The following CNTN4 variants were observed in gnomAD, a reference collection of about 807,000 sequenced individuals.
CNTN4 encodes contactin 4, also known as contactin-4.
Under a neutral mutation model 122.5 loss-of-function variants are expected in CNTN4, and 77 were observed. That is an observed-to-expected ratio of 0.63 (90% CI 0.52 to 0.76). The LOEUF is 0.76. Among genes scored for constraint, CNTN4 ranks in the 30% least tolerant of loss-of-function variants. The pLI, the probability that CNTN4 is intolerant of heterozygous loss-of-function variation, is 0.00. For synonymous variants in CNTN4, 512 were observed against 447.0 expected (o/e 1.15, Z -1.83); for missense variants, 1,256 against 1,259.1 (o/e 1.00, Z 0.04).
intron 4 of CNTN4, among the ~76,000 whole-genome samples, chr3:2,603,363 A>G (rs1030352534): frequency 2.0e-4 from 31 of 152,208 alleles, no homozygotes; most frequent in Non-Finnish European, 4.4e-5. Flanking sequence ...GAAAATCATT[A>G]GAAATTGTCA....
chr3:2,282,690 T>C (rs1248089132), intron 2 of CNTN4, among the ~76,000 whole-genome samples: 1 of 152,138 alleles, frequency 6.6e-6, no homozygotes, highest in Non-Finnish European at 1.5e-5. Context: ...CACAAAATCA[T>C]GTACACAAGT....
intron 3 of CNTN4, among the ~76,000 whole-genome samples, chr3:2,343,754 A>G (rs775048915): frequency 1.2e-4 from 18 of 152,260 alleles, no homozygotes; most frequent in Non-Finnish European, 2.2e-4. Flanking sequence ...CACTGGCAAC[A>G]TAGCTATGGT....
At chr3:2,227,212 A>G (rs1158169995) in intron 2 of CNTN4, among the ~76,000 whole-genome samples, 1 of 152,194 alleles carries the variant, frequency 6.6e-6, no homozygotes, top group African/African-American at 2.4e-5. Flanking sequence ...AACTTCTATT[A>G]TTTATCTTTA....
chr3:2,731,436 C>T (rs12632872), intron 4 of CNTN4, among the ~76,000 whole-genome samples: 18,938 of 152,084 alleles, frequency 0.12, 1,386 homozygotes, highest in South Asian at 0.25. Context: ...CAAGGAGAAA[C>T]AAACTCAGGA....
At chr3:2,339,395 C>T (rs1336501817) in intron 3 of CNTN4, among the ~76,000 whole-genome samples, 162 bp downstream of exon 3, 1 of 152,114 alleles carries the variant, frequency 6.6e-6, no homozygotes, top group Non-Finnish European at 1.5e-5. Flanking sequence ...AGTGAAGTTA[C>T]ATAAATTAAA....
intron 3 of CNTN4, among the ~76,000 whole-genome samples, chr3:2,394,271 A>G (rs1277057941): frequency 6.6e-6 from 1 of 152,144 alleles, no homozygotes. Context: ...TTTCCATGTT[A>G]ACAGGAACAG....
intron 2 of CNTN4, among the ~76,000 whole-genome samples, chr3:2,260,960 G>GCCTCAAGT (rs2040812036): frequency 6.6e-6 from 1 of 151,890 alleles, no homozygotes; most frequent in African/African-American, 2.4e-5. Context: ...CAAAGTCCTT[G>GCCTCAAGT]CCTCAAGTGA....
At chr3:2,820,992 C>G (rs1032777584) in intron 7 of CNTN4, among the ~76,000 whole-genome samples, 1 of 115,576 alleles carries the variant, frequency 8.7e-6, no homozygotes, top group Non-Finnish European at 1.7e-5. Context: ...GACAGAGTCT[C>G]GCTTTGTCAC....
intron 3 of CNTN4, among the ~76,000 whole-genome samples, chr3:2,463,886 G>C (rs2075405985): frequency 1.3e-5 from 2 of 152,316 alleles, no homozygotes; most frequent in Admixed American, 6.5e-5. Context: ...ACTAGAGGAA[G>C]ATGCTGCCTT....
intron 2 of CNTN4, among the ~76,000 whole-genome samples, chr3:2,313,207 A>G (rs535485052): frequency 2.0e-5 from 3 of 152,168 alleles, no homozygotes; most frequent in African/African-American, 7.2e-5. Flanking sequence ...CAAGACGTAC[A>G]TAAACTGTTT....
At chr3:2,952,901 C>T (rs2094760853) in intron 13 of CNTN4, among the ~76,000 whole-genome samples, 1 of 152,128 alleles carries the variant, frequency 6.6e-6, no homozygotes, top group Non-Finnish European at 1.5e-5. Flanking sequence ...GAGTGAGTGC[C>T]TAATATGTGC....
intron 6 of CNTN4, among the ~76,000 whole-genome samples, chr3:2,785,674 AC>A (rs1431330049): frequency 6.6e-6 from 1 of 152,070 alleles, no homozygotes; most frequent in African/African-American, 2.4e-5. Flanking sequence ...GGTCAGGAAA[AC>A]CCCTCAGATG....
chr3:2,503,288 A>G (rs1002195886), intron 3 of CNTN4, among the ~76,000 whole-genome samples: 3 of 152,162 alleles, frequency 2.0e-5, no homozygotes, highest in Admixed American at 2.0e-4. Flanking sequence ...ATGGATAGTT[A>G]TATGACAAAG....
chr3:2,520,485 G>C (rs1299694084), intron 3 of CNTN4, among the ~76,000 whole-genome samples: 2 of 151,662 alleles, frequency 1.3e-5, no homozygotes, highest in Non-Finnish European at 2.9e-5. Context: ...TGTTGGCCAG[G>C]CTGGTCTCGA....
intron 2 of CNTN4, among the ~76,000 whole-genome samples, chr3:2,139,091 G>A (rs2034853966): frequency 6.6e-6 from 1 of 152,028 alleles, no homozygotes; most frequent in Admixed American, 6.6e-5. Context: ...CTGAGTACTG[G>A]GTTTGCTTAA....
chr3:2,152,145 C>T (rs2035521018), intron 2 of CNTN4, among the ~76,000 whole-genome samples: 1 of 151,998 alleles, frequency 6.6e-6, no homozygotes, highest in South Asian at 2.1e-4. Context: ...GGAGACGGGG[C>T]AAGTTTGTCA....
Position 2,929,248 on chromosome 3 carries a change from T to G in CNTN4, c.1358+3469T>G, listed in dbSNP as rs77809569. Among the ~76,000 whole-genome samples the G allele has an allele frequency of 9.5e-3, 1,450 of 152,336 alleles. 8 individuals are homozygous for G. The highest frequency in any genetic ancestry group is 0.016 in the Non-Finnish European group (1,099 of 68,020). On this transcript the variant is annotated intron_variant, in intron 13 of 24. Coordinates refer to ENST00000418658, the MANE Select transcript of CNTN4 (RefSeq NM_175607.3). ...GGTCTCTAGTCACCATAAAGGCAGT[T>G]GGAATCATTTGGATGAATTGAGGAA...
intron 6 of CNTN4, among the ~76,000 whole-genome samples, chr3:2,774,471 G>A (rs1169616429): frequency 6.6e-6 from 1 of 151,900 alleles, no homozygotes; most frequent in Non-Finnish European, 1.5e-5. Context: ...CTTTCCTTGT[G>A]TGCATCAAAA....
At chr3:2,251,014 C>CTA (rs2040357394) in intron 2 of CNTN4, among the ~76,000 whole-genome samples, 3 of 151,752 alleles carry the variant, frequency 2.0e-5, no homozygotes, top group Admixed American at 6.6e-5. Context: ...ATATTGTCAC[C>CTA]TATATATATA....
Sources: gnomAD v4.1 joint callset for allele counts (sites outside exome capture counted in the v4.1 genomes callset) on GRCh38, gnomAD v4.1.1 for gene constraint, MANE v1.5 for transcripts, NCBI Gene and HGNC (gene_info 2026-07-23, HGNC 2026-07-21) for gene names.